Variants in SLC16A1 observed in about 807,000 individuals in gnomAD.
SLC16A1 encodes the protein monocarboxylate transporter 1.
A neutral mutation model predicts 32.2 loss-of-function variants in SLC16A1; 11 were observed. The observed-to-expected ratio is 0.34, with a 90% confidence interval of 0.21 to 0.56. The LOEUF (loss-of-function observed/expected upper bound fraction) is 0.56. Ranked by LOEUF, SLC16A1 falls within the 20% of genes least tolerant of loss-of-function variation. The probability of loss-of-function intolerance (pLI) is 0.87; values close to 1 mark genes in which losing one functional copy is unlikely to be tolerated. For missense variants in SLC16A1, 435 were observed against 615.0 expected (o/e 0.71, Z 3.10); for synonymous variants, 231 against 226.8 (o/e 1.02, Z -0.17).
intron 1 of SLC16A1, among the ~76,000 whole-genome samples, chr1:112,943,827 A>T (rs983230006): frequency 6.6e-6 from 1 of 151,868 alleles, no homozygotes; most frequent in Non-Finnish European, 1.5e-5. Flanking sequence ...ACTAAGATTT[A>T]AAAAATTACA....
rs190370611 is a variant in SLC16A1 at position 112,950,889 on chromosome 1, A to G, written c.-45+5146T>C. Among the ~76,000 whole-genome samples the G allele has an allele frequency of 3.9e-4, 59 of 152,182 alleles. 1 individual carries two copies. Among genetic ancestry groups the G allele is most frequent in the Middle Eastern group, 3.4e-3 (1 of 294 alleles). ...ATGGCCCATGCCTGTAGTCCTAGCT[A>G]CTCAAGAGGCTGAGGTGGCTCTGCT... is the stretch of plus-strand genomic sequence containing the variant. On this transcript the variant is annotated intron_variant, in intron 1 of 4. Transcript: ENST00000369626.
chr1:112,939,539 C>T (rs1182915672), intron 1 of SLC16A1, among the ~76,000 whole-genome samples: 2 of 152,080 alleles, frequency 1.3e-5, no homozygotes, highest in Non-Finnish European at 2.9e-5. Flanking sequence ...TATAGTTGGT[C>T]TTGTCGCCCA....
At chr1:112,925,594 G>C (rs540964936) in intron 2 of SLC16A1, among the ~76,000 whole-genome samples, 2 of 151,516 alleles carry the variant, frequency 1.3e-5, no homozygotes, top group Admixed American at 1.3e-4. Context: ...GCCCAGGTTG[G>C]TCTTGTAATC....
At chr1:112,929,029 C>A in intron 2 of SLC16A1, 63 bp downstream of exon 2, 1 of 1,141,566 alleles carries the variant, frequency 8.8e-7, no homozygotes, top group Non-Finnish European at 1.3e-6. Context: ...TTTAAAGTTA[C>A]CTAATACAGA....
chr1:112,949,444 G>A lies in SLC16A1; in HGVS notation c.-45+6591C>T, dbSNP rs886226936. ...TTGTTCCCTCTCATTTGTGAGGTCA[G>A]AATTTATGATGATTAGTAAATAAAA... On this transcript the variant is annotated intron_variant, in intron 1 of 4. Transcript: ENST00000369626. Among the ~76,000 whole-genome samples the A allele has an allele frequency of 5.3e-5, 8 of 152,312 alleles. 1 individual carries two copies. The highest frequency in any genetic ancestry group is 5.2e-4 in the Admixed American group (8 of 15,296).
chr1:112,919,138 C>T (rs1648623886), intron 3 of SLC16A1, among the ~76,000 whole-genome samples: 2 of 152,016 alleles, frequency 1.3e-5, no homozygotes, highest in South Asian at 4.1e-4. Flanking sequence ...TCACACCATT[C>T]TCCTGGCTCA....
At chr1:112,926,604 T>C (rs918637644) in intron 2 of SLC16A1, among the ~76,000 whole-genome samples, 2 of 152,144 alleles carry the variant, frequency 1.3e-5, no homozygotes, top group Non-Finnish European at 2.9e-5. Flanking sequence ...CTAGGCATGG[T>C]GGCTCATGCC....
intron 1 of SLC16A1, among the ~76,000 whole-genome samples, chr1:112,952,344 C>A (rs1023413222): frequency 6.6e-6 from 1 of 152,096 alleles, no homozygotes; most frequent in Non-Finnish European, 1.5e-5. Context: ...TTTGCACCAA[C>A]CTTACAAGGA....
intron 3 of SLC16A1, among the ~76,000 whole-genome samples, chr1:112,920,861 C>T (rs1375001957): frequency 1.3e-5 from 2 of 151,556 alleles, no homozygotes; most frequent in African/African-American, 2.4e-5. Context: ...ATCAGAAGGC[C>T]GGGCAAGGTG....
chr1:112,924,751 G>A (rs113138859), intron 2 of SLC16A1, among the ~76,000 whole-genome samples: 1 of 152,082 alleles, frequency 6.6e-6, no homozygotes, highest in Non-Finnish European at 1.5e-5. Context: ...AGGTATGGTG[G>A]TGGTGCATGC....
At chr1:112,954,122 C>T (rs1649995308) in intron 1 of SLC16A1, among the ~76,000 whole-genome samples, 2 of 152,168 alleles carry the variant, frequency 1.3e-5, no homozygotes, top group African/African-American at 4.8e-5. Context: ...TACCCAAGTT[C>T]CATCTTCCTA....
At chr1:112,924,400 ACTTT>A (rs1648860094) in intron 2 of SLC16A1, 3 of 1,110,538 alleles carry the variant, frequency 2.7e-6, no homozygotes, top group South Asian at 2.5e-5. Context: ...TGTTTCTCAC[ACTTT>A]CTTTAATTTA....
chr1:112,928,491 G>A (rs1372351240), intron 2 of SLC16A1, among the ~76,000 whole-genome samples: 1 of 152,120 alleles, frequency 6.6e-6, no homozygotes, highest in Non-Finnish European at 1.5e-5. Context: ...TATTTTAGAT[G>A]ATGTTAAGTG....
At chr1:112,940,910 T>C (rs1043855470) in intron 1 of SLC16A1, among the ~76,000 whole-genome samples, 1 of 152,198 alleles carries the variant, frequency 6.6e-6, no homozygotes, top group Non-Finnish European at 1.5e-5. Context: ...AACATGAAGA[T>C]GGTGGCCATT....
chr1:112,921,038 G>A (rs1648708154), intron 3 of SLC16A1, among the ~76,000 whole-genome samples: 1 of 151,904 alleles, frequency 6.6e-6, no homozygotes, highest in African/African-American at 2.4e-5. Flanking sequence ...GTACTCAGGA[G>A]GCTGAGGCAG....
intron 2 of SLC16A1, chr1:112,922,374 C>T (rs1249445141): frequency 1.9e-6 from 1 of 540,426 alleles, no homozygotes; most frequent in East Asian, 3.3e-5. Flanking sequence ...ATACAAAAGA[C>T]CTGAAGTTAT....
intron 1 of SLC16A1, among the ~76,000 whole-genome samples, chr1:112,954,497 C>T (rs950012263): frequency 2.0e-5 from 3 of 152,150 alleles, no homozygotes; most frequent in African/African-American, 7.2e-5. Context: ...AATATATGCC[C>T]TAATATTTAA....
intron 2 of SLC16A1, chr1:112,924,188 C>T: frequency 6.6e-7 from 1 of 1,510,740 alleles, no homozygotes; most frequent in Non-Finnish European, 9.2e-7. Flanking sequence ...TGCAGGGTGC[C>T]CACGGGGACG....
chr1:112,941,316 T>C (rs1649501795), intron 1 of SLC16A1, among the ~76,000 whole-genome samples: 1 of 150,620 alleles, frequency 6.6e-6, no homozygotes. Context: ...AGTTTCGCTC[T>C]TGCTGCCCAG....
Sources: gnomAD v4.1 joint callset for allele counts (sites outside exome capture counted in the v4.1 genomes callset) on GRCh38, gnomAD v4.1.1 for gene constraint, MANE v1.5 for transcripts, NCBI Gene and HGNC (gene_info 2026-07-23, HGNC 2026-07-21) for gene names.